C2orf66: variants seen among roughly 807,000 people sequenced by gnomAD.
The protein encoded by C2orf66 is chromosome 2 open reading frame 66.
A neutral mutation model predicts 7.0 loss-of-function variants in C2orf66; 6 were observed. The observed-to-expected ratio is 0.86, with a 90% CI of 0.47 to 1.69. C2orf66 has a LOEUF of 1.69. Among genes scored for constraint, C2orf66 ranks in the 40% most tolerant of loss-of-function variants. The pLI, the probability that C2orf66 is intolerant of heterozygous loss-of-function variation, is 0.01. For missense variants in C2orf66, 107 were observed against 112.0 expected (o/e 0.96, Z 0.20); for synonymous variants, 38 against 43.8 (o/e 0.87, Z 0.52).
chr2:196,823,811 A>C, the C2orf66 span, among the ~76,000 whole-genome samples: 1 of 152,180 alleles, frequency 6.6e-6, no homozygotes, highest in African/African-American at 2.4e-5. Flanking sequence ...ATCTCATTTA[A>C]TCCTCATCCA....
At chr2:196,828,065 T>C in the C2orf66 span, among the ~76,000 whole-genome samples, 15 of 152,306 alleles carry the variant, frequency 9.8e-5, no homozygotes, top group African/African-American at 2.6e-4. Context: ...TGATACCCAA[T>C]ATGAAATTAC....
chr2:196,808,623 A>T (rs1230538469), intron 1 of C2orf66, among the ~76,000 whole-genome samples: 4 of 152,202 alleles, frequency 2.6e-5, no homozygotes, highest in Admixed American at 2.6e-4. Context: ...TATATTTCCC[A>T]TCATTCACTT....
the C2orf66 span, among the ~76,000 whole-genome samples, chr2:196,822,694 G>A: frequency 6.6e-6 from 1 of 152,160 alleles, no homozygotes; most frequent in African/African-American, 2.4e-5. Context: ...GAGACGGGAT[G>A]GGGAAAAATA....
chr2:196,807,591 C>T lies in C2orf66; in HGVS notation c.155G>A (p.Gly52Asp). Residue 52 changes from glycine to aspartate, a missense_variant, in exon 2 of 3, where the codon GGC (glycine) becomes GAC (aspartate). Coordinates refer to ENST00000342506, the MANE Select transcript of C2orf66 (RefSeq NM_213608.3). ...FFRRLQAYFK[G>D]RGLDLGTFPN... Reference sequence around the variant, plus strand: ...AAATGTTCCAAGATCAAGACCTCTGCCCTTAAAATATGCCTGAAGCCTTCT... The same window carrying T: ...AAATGTTCCAAGATCAAGACCTCTGTCCTTAAAATATGCCTGAAGCCTTCT... 2.5e-6 allele frequency: 4 copies of T among 1,613,072 alleles called. No individual in the cohort carries two copies. Among genetic ancestry groups the T allele is most frequent in the Non-Finnish European group, 3.4e-6 (4 of 1,179,740 alleles).
the C2orf66 span, among the ~76,000 whole-genome samples, chr2:196,817,457 G>A: frequency 3.9e-3 from 597 of 152,016 alleles, 5 homozygotes; most frequent in African/African-American, 0.013. Flanking sequence ...GGATGGTCTC[G>A]ATCTCCTGAC....
the C2orf66 span, among the ~76,000 whole-genome samples, chr2:196,827,113 T>G: frequency 6.6e-6 from 1 of 150,624 alleles, no homozygotes; most frequent in East Asian, 1.9e-4. Flanking sequence ...TACAAAAAAT[T>G]TTAGAAGTCC....
chr2:196,804,651 T>C lies in C2orf66; in HGVS notation c.*777A>G, dbSNP rs894114570. Among the ~76,000 whole-genome samples, 1 of 151,906 alleles carries C rather than the reference T, an allele frequency of 6.6e-6. No individual in the cohort carries two copies. Among genetic ancestry groups the C allele is most frequent in the African/African-American group, 2.4e-5 (1 of 41,334 alleles). On this transcript the variant is annotated 3_prime_UTR_variant, in exon 3 of 3. Coordinates refer to ENST00000342506, the MANE Select transcript of C2orf66 (RefSeq NM_213608.3). ...CAGAATAACTCAGCATGAGCTAGAG[T>C]AAGGAGAGCAGGGGCTGGTTGGAAA...
the C2orf66 span, among the ~76,000 whole-genome samples, chr2:196,826,980 G>C: frequency 6.6e-6 from 1 of 152,072 alleles, no homozygotes; most frequent in Non-Finnish European, 1.5e-5. Context: ...GCAGTGAGCA[G>C]AGATCGCACC....
upstream of C2orf66, among the ~76,000 whole-genome samples, chr2:196,812,032 AG>A (rs1699881443): frequency 1.3e-5 from 2 of 152,196 alleles, no homozygotes; most frequent in Non-Finnish European, 2.9e-5. Flanking sequence ...GAGGAAAATG[AG>A]TGAGTATAGC....
At chr2:196,822,323 T>C in the C2orf66 span, among the ~76,000 whole-genome samples, 16 of 152,282 alleles carry the variant, frequency 1.1e-4, no homozygotes, top group African/African-American at 1.2e-4. Flanking sequence ...GAGAGCACTG[T>C]AGGTACATAA....
the C2orf66 span, among the ~76,000 whole-genome samples, chr2:196,821,927 GCTTTTTTTTTT>G: frequency 1.4e-4 from 8 of 57,102 alleles, no homozygotes; most frequent in Non-Finnish European, 2.8e-4. Context: ...GAACCAGTGA[GCTTTTTTTTTT>G]TTTTTTTTTT....
the C2orf66 span, among the ~76,000 whole-genome samples, chr2:196,816,908 T>A: frequency 3.3e-5 from 5 of 151,894 alleles, no homozygotes; most frequent in Admixed American, 3.3e-4. Flanking sequence ...AGAGAAAGAG[T>A]ACCAAGAGAG....
At chr2:196,817,771 C>T in the C2orf66 span, among the ~76,000 whole-genome samples, 1 of 152,120 alleles carries the variant, frequency 6.6e-6, no homozygotes, top group Non-Finnish European at 1.5e-5. Flanking sequence ...GAGTATTAAT[C>T]CTTGCTAGGA....
Position 196,808,845 on chromosome 2 carries a change from A to G in C2orf66, c.123+369T>C, listed in dbSNP as rs193024992. On this transcript the variant is annotated intron_variant, in intron 1 of 2. Coordinates refer to ENST00000342506, the MANE Select transcript of C2orf66 (RefSeq NM_213608.3). ...TAGTTATATGATAACTTGTTTTATC[A>G]TCAGTTCAATCTAAGCTATGCACGA... 6.2e-3 allele frequency among the ~76,000 whole-genome samples: 941 copies of G among 152,320 alleles called. 7 individuals carry two copies. Among genetic ancestry groups the G allele is most frequent in the African/African-American group, 0.022 (903 of 41,572 alleles).
upstream of C2orf66, chr2:196,810,151 C>T (rs1189382691): frequency 6.6e-6 from 1 of 152,162 alleles, no homozygotes; most frequent in Non-Finnish European, 1.5e-5. Flanking sequence ...CCTTGAACCA[C>T]GAACATTTTA....
upstream of C2orf66, chr2:196,809,503 TG>T (rs1393264570): frequency 6.2e-6 from 6 of 973,144 alleles, no homozygotes; most frequent in Non-Finnish European, 9.1e-6. Context: ...TTTTCCAGAT[TG>T]ACTTCTAAAT....
upstream of C2orf66, chr2:196,810,256 T>C (rs999254026): frequency 5.9e-5 from 9 of 152,194 alleles, no homozygotes; most frequent in African/African-American, 2.2e-4. Flanking sequence ...GGAAATATGA[T>C]GGATTATAGC....
intron 2 of C2orf66, among the ~76,000 whole-genome samples, chr2:196,805,716 G>C (rs1405847054): frequency 6.6e-6 from 1 of 151,886 alleles, no homozygotes; most frequent in Non-Finnish European, 1.5e-5. Flanking sequence ...TATTTTCTAT[G>C]ATACTTTCTG....
the C2orf66 span, among the ~76,000 whole-genome samples, chr2:196,831,225 G>C: frequency 6.6e-6 from 1 of 151,884 alleles, no homozygotes; most frequent in Non-Finnish European, 1.5e-5. Context: ...TCCCATTTTC[G>C]GCCAGCCTCT....
Sources: gnomAD v4.1 joint callset for allele counts (sites outside exome capture counted in the v4.1 genomes callset) on GRCh38, gnomAD v4.1.1 for gene constraint, MANE v1.5 for transcripts, NCBI Gene and HGNC (gene_info 2026-07-23, HGNC 2026-07-21) for gene names.